The following ZFHX3 variants were observed in gnomAD, a reference collection of about 807,000 sequenced individuals.
The protein encoded by ZFHX3 is zinc finger homeobox protein 3.
A neutral mutation model predicts 279.1 loss-of-function variants in ZFHX3; 42 were observed. That is an observed-to-expected ratio of 0.15 (90% CI 0.12 to 0.19). The LOEUF (loss-of-function observed/expected upper bound fraction) is 0.19. ZFHX3 is among the 10% of genes least tolerant of loss of function. The pLI, the probability that ZFHX3 is intolerant of heterozygous loss-of-function variation, is 1.00. For synonymous variants in ZFHX3, 2,293 were observed against 1,957.8 expected (o/e 1.17, Z -4.52); for missense variants, 4,981 against 4,754.0 (o/e 1.05, Z -1.40).
At chr16:73,036,853 C>G (rs541387254) in intron 1 of ZFHX3, among the ~76,000 whole-genome samples, 1 of 152,126 alleles carries the variant, frequency 6.6e-6, no homozygotes, top group Admixed American at 6.5e-5. Context: ...AGCAGATGGC[C>G]GTGGCCTACT....
chr16:73,096,035 A>C (rs944584986), intron 7 of ZFHX3, among the ~76,000 whole-genome samples: 1 of 152,092 alleles, frequency 6.6e-6, no homozygotes, highest in South Asian at 2.1e-4. Flanking sequence ...GATGTGATTG[A>C]GCCAAGGGTG....
intron 1 of ZFHX3, among the ~76,000 whole-genome samples, chr16:73,764,698 AG>A (rs1424622494): frequency 1.3e-5 from 2 of 152,188 alleles, no homozygotes; most frequent in Non-Finnish European, 2.9e-5. Context: ...GAACAACCAA[AG>A]AAAGAACAGG....
intron 2 of ZFHX3, among the ~76,000 whole-genome samples, chr16:73,541,581 T>A (rs902000948): frequency 1.3e-5 from 2 of 152,092 alleles, no homozygotes; most frequent in Non-Finnish European, 2.9e-5. Flanking sequence ...GCAGATGACC[T>A]AGAGGCTCCA....
intron 5 of ZFHX3, among the ~76,000 whole-genome samples, chr16:73,210,991 C>G (rs2011996405): frequency 6.6e-6 from 1 of 152,098 alleles, no homozygotes; most frequent in Non-Finnish European, 1.5e-5. Context: ...CTGAATGGTA[C>G]AGATAAGCAG....
At chr16:72,949,760 G>GA (rs71391471) in intron 3 of ZFHX3, among the ~76,000 whole-genome samples, 34,626 of 146,382 alleles carry the variant, frequency 0.24, 4,245 homozygotes, top group Non-Finnish European at 0.27. Context: ...GAGCGGGGAA[G>GA]AAAAAAAAAA....
rs542041864 is a variant in ZFHX3 at position 73,074,268 on chromosome 16, C to T, written c.-532-15256G>A. 8.5e-5 allele frequency among the ~76,000 whole-genome samples: 13 copies of T among 152,300 alleles called. No homozygotes were observed. In the East Asian group the frequency reaches 1.2e-3, roughly 14 times the overall value. On this transcript the variant is annotated intron_variant, in intron 8 of 17. Coordinates refer to the ZFHX3 transcript ENST00000641206. ...TTCCTCACGCGGACCCTGTCCCAGG[C>T]GCAATGTTGGAGGTGACCTCACCCA...
At chr16:73,296,884 T>TTTTTTTTTA (rs2014928692) in intron 4 of ZFHX3, among the ~76,000 whole-genome samples, 1 of 121,874 alleles carries the variant, frequency 8.2e-6, no homozygotes, top group African/African-American at 3.0e-5. Context: ...GGAATTTTTT[T>TTTTTTTTTA]TTTTTTTTTT....
intron 1 of ZFHX3, among the ~76,000 whole-genome samples, chr16:72,987,369 T>G (rs1962892504): frequency 1.3e-5 from 2 of 152,156 alleles, no homozygotes; most frequent in Non-Finnish European, 2.9e-5. Flanking sequence ...TAAGATGATG[T>G]GGAGGCTGCT....
chr16:72,847,265 T>C (rs1473025130), intron 4 of ZFHX3, among the ~76,000 whole-genome samples: 2 of 152,134 alleles, frequency 1.3e-5, no homozygotes, highest in Admixed American at 6.5e-5. Context: ...TTTTCTCAAA[T>C]TGGCTGTTGT....
chr16:73,878,502 T>G (rs1419878088), intron 1 of ZFHX3, among the ~76,000 whole-genome samples: 7 of 152,134 alleles, frequency 4.6e-5, no homozygotes, highest in Non-Finnish European at 1.0e-4. Flanking sequence ...AAAAGTAGAC[T>G]TAGGAAGACC....
rs141927071 is a variant in ZFHX3, at chr16:73,220,698, C to A, written c.-1104+36349G>T. Among the ~76,000 whole-genome samples, 411 of 152,282 alleles carry A rather than the reference C, an allele frequency of 2.7e-3. 8 individuals carry two copies. The South Asian group carries it at 0.038, about 14-fold the overall frequency. ...TGGGAGCTGAAATGTATGTACCCTGCACTTTGCTTGCCAAGGTAAGGGTCT... is the reference window on the plus strand; with the variant it reads ...TGGGAGCTGAAATGTATGTACCCTGAACTTTGCTTGCCAAGGTAAGGGTCT... On this transcript the variant is annotated intron_variant, in intron 5 of 17. Transcript: ENST00000641206.
intron 1 of ZFHX3, among the ~76,000 whole-genome samples, chr16:73,035,409 G>A (rs1189537861): frequency 6.6e-6 from 1 of 152,072 alleles, no homozygotes; most frequent in Non-Finnish European, 1.5e-5. Flanking sequence ...AAGTGTTCTC[G>A]GATATGACTG....
rs1194588365 is a variant in ZFHX3, at chr16:72,785,493, CTT to C, written c.*1669_*1670del. 2 of 152,720 alleles carry C rather than the reference CTT, an allele frequency of 1.3e-5. No homozygotes were observed. The highest frequency in any genetic ancestry group is 2.1e-4 in the South Asian group (1 of 4,830). The allele number at this position is 152,720 out of a possible 1,614,324, so 9.5% of individuals were successfully genotyped here. A position where few individuals can be genotyped will look rare whatever the true frequency, so the allele number is the denominator to read the frequency against. On this transcript the variant is annotated 3_prime_UTR_variant, in exon 10 of 10. Transcript: ENST00000268489. ...AAGAAGCACATAACAACCTGGGAAT[CTT>C]TTGTTTTTCTCTTTCTTTTATTAAA...
At chr16:73,877,202 C>CGGG (rs34548922) in intron 1 of ZFHX3, among the ~76,000 whole-genome samples, 10 of 125,174 alleles carry the variant, frequency 8.0e-5, no homozygotes, top group Admixed American at 2.5e-4. Flanking sequence ...GGGGTTAGGT[C>CGGG]GGGGGGGGGT....
chr16:73,743,430 G>A (rs2053676452), intron 1 of ZFHX3, among the ~76,000 whole-genome samples: 1 of 152,128 alleles, frequency 6.6e-6, no homozygotes, highest in Admixed American at 6.5e-5. Flanking sequence ...TTTCTGTTTG[G>A]TCAAAGGATA....
chr16:73,149,346 A>G (rs991016275), intron 5 of ZFHX3, among the ~76,000 whole-genome samples: 9 of 151,108 alleles, frequency 6.0e-5, no homozygotes, highest in African/African-American at 1.9e-4. Flanking sequence ...ATTTTGTTAT[A>G]TTAATAAAAA....
chr16:72,994,256 G>A (rs1963198046), intron 1 of ZFHX3, among the ~76,000 whole-genome samples: 1 of 152,156 alleles, frequency 6.6e-6, no homozygotes, highest in Non-Finnish European at 1.5e-5. Context: ...AGAAATTATA[G>A]ACTTTAACAT....
chr16:73,418,687 G>A (rs1015769769), intron 3 of ZFHX3, among the ~76,000 whole-genome samples: 2 of 152,312 alleles, frequency 1.3e-5, no homozygotes, highest in Admixed American at 6.5e-5. Flanking sequence ...GGCTTTGTCC[G>A]TATTTCCAAA....
At chr16:73,512,632 A>G (rs2019453283) in intron 2 of ZFHX3, among the ~76,000 whole-genome samples, 1 of 152,172 alleles carries the variant, frequency 6.6e-6, no homozygotes, top group Non-Finnish European at 1.5e-5. Flanking sequence ...ATTATGACTC[A>G]GGGTTTGATG....
Sources: allele counts gnomAD v4.1 joint callset (sites outside exome capture counted in the v4.1 genomes callset), GRCh38; gene constraint gnomAD v4.1.1; transcripts MANE v1.5; gene names NCBI Gene and HGNC (gene_info 2026-07-23, HGNC 2026-07-21).